Variants in RNF150 observed in about 807,000 individuals in gnomAD.
RNF150 encodes the protein ring finger protein 150.
Under a neutral mutation model 39.3 loss-of-function variants are expected in RNF150, and 24 were observed. The ratio of observed to expected loss-of-function variants is 0.61; its 90% CI spans 0.44 to 0.86. The LOEUF (loss-of-function observed/expected upper bound fraction) is 0.86. RNF150 is among the 40% of genes least tolerant of loss of function. RNF150 has a pLI of 0.00. For synonymous variants in RNF150, 255 were observed against 227.3 expected, an observed-to-expected ratio of 1.12 and a Z score of -1.10; for missense variants, 502 against 587.8, an observed-to-expected ratio of 0.85 and a Z score of 1.51.
chr4:141,019,668 C>G (rs889529839), intron 1 of RNF150, among the ~76,000 whole-genome samples: 3 of 152,148 alleles, frequency 2.0e-5, no homozygotes, highest in Admixed American at 6.6e-5. Flanking sequence ...GAAAACCTTT[C>G]CACATTTCCA....
upstream of RNF150, among the ~76,000 whole-genome samples, chr4:141,135,009 G>T (rs1024440349): frequency 6.6e-6 from 1 of 152,216 alleles, no homozygotes; most frequent in African/African-American, 2.4e-5. Flanking sequence ...AAAGTTAGGT[G>T]CTAAAGAGAT....
chr4:141,101,072 C>T (rs1738991659), intron 1 of RNF150, among the ~76,000 whole-genome samples: 1 of 152,128 alleles, frequency 6.6e-6, no homozygotes, highest in Admixed American at 6.6e-5. Flanking sequence ...AAACACTATA[C>T]ACTATTGTAG....
intron 1 of RNF150, among the ~76,000 whole-genome samples, chr4:140,984,295 C>T (rs1298242077): frequency 6.6e-6 from 1 of 152,142 alleles, no homozygotes; most frequent in Non-Finnish European, 1.5e-5. Flanking sequence ...TAAAACACTA[C>T]ATATCCTTTG....
chr4:140,924,224 C>T (rs1270634956), intron 5 of RNF150, among the ~76,000 whole-genome samples: 1 of 152,188 alleles, frequency 6.6e-6, no homozygotes. Context: ...AGGCATCAAA[C>T]CATGGCCAGA....
intron 1 of RNF150, among the ~76,000 whole-genome samples, chr4:141,020,905 A>G (rs1054537885): frequency 1.1e-4 from 16 of 152,222 alleles, no homozygotes; most frequent in Non-Finnish European, 2.2e-4. Flanking sequence ...GGCTGTGTGA[A>G]GGAGAACCAG....
rs1726919851 is a variant in RNF150 at position 141,132,437 on chromosome 4, G to T, written c.372C>A (p.Gly124=). 4 of 1,610,432 alleles carry T rather than the reference G, an allele frequency of 2.5e-6. No individual in the cohort carries two copies. Among genetic ancestry groups the T allele is most frequent in the Non-Finnish European group, 3.4e-6 (4 of 1,178,832 alleles). The change falls in exon 1 of 7, where the codon GGC becomes GGA. Residue 124 remains glycine, a synonymous_variant. Transcript: ENST00000515673. This position sits in a 1 kb window ranked among gnomAD's most constrained non-coding sequence, Gnocchi z 4.9. ...GKNWIALIPK[G]NCTYRDKIRN... is the part of the protein sequence containing the mutation. The stretch of plus-strand genomic sequence containing the variant: ...GGATCTTATCCCTGTACGTGCAGTT[G>T]CCCTTGGGGATGAGGGCTATCCAGT...
Position 141,132,872 on chromosome 4 carries a change from GC to G in RNF150, c.-65del. 1 of 1,401,414 alleles carries G rather than the reference GC, an allele frequency of 7.1e-7. No individual in the cohort carries two copies. Among genetic ancestry groups the G allele is most frequent in the Non-Finnish European group, 9.9e-7 (1 of 1,011,584 alleles). The allele number at this position is 1,401,414 out of a possible 1,614,324, so 86.8% of individuals were successfully genotyped here. On this transcript the variant is annotated 5_prime_UTR_variant, in exon 1 of 7. Transcript: ENST00000515673. This position sits in a 1 kb window ranked among gnomAD's most constrained non-coding sequence, Gnocchi z 4.9. Reference sequence around the variant, plus strand: ...CCCTCCGTCCCGTCCCTCCTCCCCAGCCCCGGCCAACCCCGGGCCGCTGCCT... The same window carrying G: ...CCCTCCGTCCCGTCCCTCCTCCCCAGCCCGGCCAACCCCGGGCCGCTGCCT...
At chr4:140,973,845 C>G (rs574529366) in intron 1 of RNF150, among the ~76,000 whole-genome samples, 1 of 140,362 alleles carries the variant, frequency 7.1e-6, no homozygotes, top group Admixed American at 7.6e-5. Context: ...CCACTGCACT[C>G]TAGCCTGGGT....
intron 1 of RNF150, among the ~76,000 whole-genome samples, chr4:141,072,371 T>C (rs1010186571): frequency 2.0e-5 from 3 of 152,152 alleles, no homozygotes; most frequent in Non-Finnish European, 4.4e-5. Context: ...TAGGTGGCCA[T>C]AGGATAGTAG....
intron 1 of RNF150, among the ~76,000 whole-genome samples, chr4:141,037,788 G>T (rs1445892004): frequency 6.6e-6 from 1 of 152,128 alleles, no homozygotes; most frequent in Non-Finnish European, 1.5e-5. Flanking sequence ...TGAAAGAAAA[G>T]ATAATCAATG....
At position 141,132,081 on chromosome 4, in the gene RNF150, C is replaced by T. The variant is rs1286938612; in HGVS notation, c.484+244G>A. ...GGAAAAGTTAGCCCGCCACGTTGAACCCCTGTCCAAGCGGCGCTATGCCAA... is the reference window on the plus strand; with the variant it reads ...GGAAAAGTTAGCCCGCCACGTTGAATCCCTGTCCAAGCGGCGCTATGCCAA... On this transcript the variant is annotated intron_variant, in intron 1 of 6. Coordinates refer to ENST00000515673, the MANE Select transcript of RNF150 (RefSeq NM_020724.2). This position sits in a 1 kb window ranked among gnomAD's most constrained non-coding sequence, Gnocchi z 4.9. 6.6e-6 allele frequency among the ~76,000 whole-genome samples: 1 copy of T among 152,186 alleles called. No individual in the cohort carries two copies. The highest frequency in any genetic ancestry group is 1.5e-5 in the Non-Finnish European group (1 of 68,028).
chr4:141,196,882 G>A (rs1171555116), intron 1 of RNF150, among the ~76,000 whole-genome samples: 2 of 152,180 alleles, frequency 1.3e-5, no homozygotes, highest in Non-Finnish European at 2.9e-5. Context: ...ACAAGTTCCA[G>A]AAAGGTGGCC....
At chr4:141,001,086 G>A (rs1035859067) in intron 1 of RNF150, among the ~76,000 whole-genome samples, 7 of 152,150 alleles carry the variant, frequency 4.6e-5, no homozygotes, top group Admixed American at 2.6e-4. Context: ...AACACATTAA[G>A]ATATAAGCCA....
intron 1 of RNF150, among the ~76,000 whole-genome samples, chr4:141,187,948 T>C (rs1468543058): frequency 2.0e-5 from 3 of 152,206 alleles, no homozygotes; most frequent in Non-Finnish European, 4.4e-5. Flanking sequence ...GTGTTGTTGG[T>C]CATTATATTT....
chr4:141,156,646 C>G (rs1417942070), intron 1 of RNF150, among the ~76,000 whole-genome samples: 1 of 149,598 alleles, frequency 6.7e-6, no homozygotes, highest in African/African-American at 2.5e-5. Context: ...GTAATCCCAG[C>G]ACTTTGGGAG....
intron 1 of RNF150, among the ~76,000 whole-genome samples, chr4:141,066,751 T>C (rs1333206061): frequency 1.3e-5 from 2 of 152,226 alleles, no homozygotes; most frequent in African/African-American, 4.8e-5. Context: ...GTCTGAATTA[T>C]TAGTAATATG....
intron 2 of RNF150, among the ~76,000 whole-genome samples, chr4:140,958,636 G>A (rs979172890): frequency 6.6e-6 from 1 of 152,158 alleles, no homozygotes; most frequent in African/African-American, 2.4e-5. Flanking sequence ...TGACAGCCAG[G>A]TGTCTTCTGC....
At chr4:141,177,787 C>G (rs911505554) in intron 1 of RNF150, among the ~76,000 whole-genome samples, 1 of 152,112 alleles carries the variant, frequency 6.6e-6, no homozygotes, top group African/African-American at 2.4e-5. Flanking sequence ...TGATACCTTG[C>G]GGAGGCCAGG....
intron 1 of RNF150, among the ~76,000 whole-genome samples, chr4:141,038,910 C>A (rs13106446): frequency 0.11 from 17,384 of 151,940 alleles, 1,082 homozygotes; most frequent in Admixed American, 0.16. Context: ...GCAATAGCCT[C>A]ACAGAGGAGC....
Sources: gnomAD v4.1 joint callset for allele counts (sites outside exome capture counted in the v4.1 genomes callset) on GRCh38, gnomAD v4.1.1 for gene constraint, Gnocchi (gnomAD v3.1) non-coding constraint, MANE v1.5 for transcripts, NCBI Gene and HGNC (gene_info 2026-07-23, HGNC 2026-07-21) for gene names.